DIAPH2: variants seen among roughly 807,000 people sequenced by gnomAD.
DIAPH2 encodes diaphanous related formin 2, also known as protein diaphanous homolog 2.
A neutral mutation model predicts 92.7 loss-of-function variants in DIAPH2; 35 were observed. The observed-to-expected ratio is 0.38, with a 90% CI of 0.29 to 0.50. DIAPH2 has a LOEUF of 0.50. Among genes scored for constraint, DIAPH2 ranks in the 20% least tolerant of loss-of-function variants. The probability of loss-of-function intolerance (pLI) is 0.94; values close to 1 mark genes in which losing one functional copy is unlikely to be tolerated. For synonymous variants in DIAPH2, 301 were observed against 280.4 expected (o/e 1.07, Z -0.73); for missense variants, 701 against 819.5 (o/e 0.86, Z 1.77).
At chrX:97,156,199 A>G (rs930255624) in intron 22 of DIAPH2, among the ~76,000 whole-genome samples, 6 of 112,127 alleles carry the variant, frequency 5.4e-5, no homozygotes, top group African/African-American at 1.9e-4. Context: ...TTCAGTATGC[A>G]CCTTATAAAC....
chrX:97,537,784 C>T (rs865860718), intron 26 of DIAPH2, among the ~76,000 whole-genome samples: 1 of 111,732 alleles, frequency 8.9e-6, no homozygotes, highest in African/African-American at 3.3e-5. Flanking sequence ...AAGGTCTTGC[C>T]CTGGTTGAAC....
At chrX:97,344,016 C>A (rs1041696086) in intron 23 of DIAPH2, among the ~76,000 whole-genome samples, 1 of 111,421 alleles carries the variant, frequency 9.0e-6, no homozygotes, top group African/African-American at 3.3e-5. Flanking sequence ...ATTGCTCTGC[C>A]TTTTTGAAAA....
chrX:97,554,010 A>ATATG (rs1206922441), intron 26 of DIAPH2, among the ~76,000 whole-genome samples: 1 of 111,730 alleles, frequency 9.0e-6, no homozygotes, highest in African/African-American at 3.3e-5. Context: ...ATATATTAAT[A>ATATG]TATGTATGTA....
intron 26 of DIAPH2, among the ~76,000 whole-genome samples, chrX:97,536,855 ATTTCT>A (rs1319638070): frequency 8.9e-6 from 1 of 111,901 alleles, no homozygotes; most frequent in East Asian, 2.8e-4. Flanking sequence ...TCTAAAATAC[ATTTCT>A]TTACTGCTGA....
intron 19 of DIAPH2, among the ~76,000 whole-genome samples, chrX:97,098,803 T>G (rs946428227): frequency 8.8e-6 from 1 of 113,019 alleles, no homozygotes; most frequent in African/African-American, 3.2e-5. Flanking sequence ...TCAAAGGCGC[T>G]GCCTTTAAGG....
At chrX:97,160,723 T>C (rs1004212696) in intron 22 of DIAPH2, among the ~76,000 whole-genome samples, 16 of 111,918 alleles carry the variant, frequency 1.4e-4, no homozygotes, top group African/African-American at 5.2e-4. Context: ...GTCTTAAGTC[T>C]GGTTTTAGCC....
intron 17 of DIAPH2, among the ~76,000 whole-genome samples, chrX:97,023,848 A>G (rs1421774240): frequency 8.9e-6 from 1 of 112,292 alleles, no homozygotes; most frequent in Non-Finnish European, 1.9e-5. Context: ...TAGTTCAAAT[A>G]CCTTATCTTA....
rs182507250 is a variant in DIAPH2, at chrX:96,758,273, T to G, written c.447+15T>G. 1 of 1,172,451 alleles carries G rather than the reference T, an allele frequency of 8.5e-7. No homozygotes were observed. Among genetic ancestry groups the G allele is most frequent in the African/African-American group, 1.8e-5 (1 of 55,985 alleles). ...CTGCCAAATCTGTAAGTAGGGAGAT[T>G]TTTCTAGCTCCAACAGAATGAGCAA... On this transcript the variant is annotated intron_variant, in intron 4 of 26. Transcript: ENST00000324765.
intron 22 of DIAPH2, among the ~76,000 whole-genome samples, chrX:97,151,620 C>T (rs1028684533): frequency 9.1e-6 from 1 of 110,357 alleles, no homozygotes; most frequent in African/African-American, 3.3e-5. Context: ...TCATACTTGT[C>T]AATATTATGC....
intron 26 of DIAPH2, among the ~76,000 whole-genome samples, chrX:97,568,925 A>G (rs1406843787): frequency 8.9e-6 from 1 of 111,990 alleles, no homozygotes; most frequent in East Asian, 2.8e-4. Context: ...GAATAGATGC[A>G]AAAAAGTATT....
intron 17 of DIAPH2, among the ~76,000 whole-genome samples, chrX:96,977,564 C>A (rs1443804644): frequency 2.7e-5 from 3 of 111,935 alleles, no homozygotes; most frequent in Admixed American, 9.5e-5. Context: ...TTCCCCATTT[C>A]AGTGATTTTT....
At chrX:96,988,084 G>T (rs982927156) in intron 17 of DIAPH2, among the ~76,000 whole-genome samples, 5 of 109,102 alleles carry the variant, frequency 4.6e-5, no homozygotes, top group African/African-American at 1.7e-4. Context: ...CTTATATTTA[G>T]AAATATATAT....
At chrX:97,304,828 GA>G (rs1440475346) in intron 23 of DIAPH2, among the ~76,000 whole-genome samples, 4 of 112,180 alleles carry the variant, frequency 3.6e-5, no homozygotes, top group African/African-American at 1.3e-4. Flanking sequence ...GCTACCAACA[GA>G]GTTGGATTAT....
chrX:97,181,536 G>A (rs2067539920), intron 22 of DIAPH2, among the ~76,000 whole-genome samples: 2 of 111,130 alleles, frequency 1.8e-5, no homozygotes, highest in South Asian at 3.8e-4. Flanking sequence ...CTCAGCCTCC[G>A]GAGTAGCTGG....
intron 23 of DIAPH2, among the ~76,000 whole-genome samples, chrX:97,343,361 A>G (rs183317272): frequency 8.9e-6 from 1 of 111,819 alleles, no homozygotes; most frequent in East Asian, 2.8e-4. Context: ...CCTCTACTCT[A>G]ACATTTTATA....
chrX:97,209,623 T>G (rs1222013859), intron 22 of DIAPH2, among the ~76,000 whole-genome samples: 1 of 111,482 alleles, frequency 9.0e-6, no homozygotes, highest in Non-Finnish European at 1.9e-5. Context: ...CAAATATTTG[T>G]TGCAAATGTT....
intron 22 of DIAPH2, among the ~76,000 whole-genome samples, chrX:97,239,206 CTG>C (rs747293362): frequency 4.5e-5 from 5 of 111,604 alleles, no homozygotes; most frequent in Non-Finnish European, 9.4e-5. Context: ...CTCTTATATA[CTG>C]TGTAATTGAA....
intron 5 of DIAPH2, among the ~76,000 whole-genome samples, chrX:96,894,637 T>C (rs999045089): frequency 3.6e-5 from 4 of 111,748 alleles, no homozygotes; most frequent in Non-Finnish European, 7.5e-5. Flanking sequence ...TCTGACCTTG[T>C]GATATGCTTT....
At chrX:96,896,482 C>T (rs1031563477) in intron 5 of DIAPH2, among the ~76,000 whole-genome samples, 4 of 111,871 alleles carry the variant, frequency 3.6e-5, no homozygotes, top group Non-Finnish European at 7.5e-5. Context: ...TCTTCATCTA[C>T]AAAATGGAGT....
Sources: allele counts gnomAD v4.1 joint callset (sites outside exome capture counted in the v4.1 genomes callset), GRCh38; gene constraint gnomAD v4.1.1; transcripts MANE v1.5; gene names NCBI Gene and HGNC (gene_info 2026-07-23, HGNC 2026-07-21).